The following MTRF1 variants were observed in gnomAD, a reference collection of about 807,000 sequenced individuals.
The protein encoded by MTRF1 is mitochondrial translation release factor 1.
MTRF1 carries 51 observed loss-of-function variants against 62.9 expected under a neutral mutation model. The observed-to-expected ratio is 0.81, with a 90% CI of 0.65 to 1.02. MTRF1 has a LOEUF of 1.02. MTRF1 is among the 50% of genes least tolerant of loss of function. MTRF1 has a pLI of 0.00. For synonymous variants in MTRF1, 158 were observed against 181.9 expected, an observed-to-expected ratio of 0.87 and a Z score of 1.06; for missense variants, 446 against 530.0, an observed-to-expected ratio of 0.84 and a Z score of 1.56.
Position 41,224,635 on chromosome 13 carries a change from C to T in MTRF1, c.1126-1281G>A, listed in dbSNP as rs928259472. ...CCAGGACCTCACTCCAGATCAGTTACATCAGAATCTCTGGGGTGGGGCCTG... is the reference window on the plus strand; with the variant it reads ...CCAGGACCTCACTCCAGATCAGTTATATCAGAATCTCTGGGGTGGGGCCTG... On this transcript the variant is annotated intron_variant, in intron 8 of 9. Coordinates refer to ENST00000379480, the MANE Select transcript of MTRF1 (RefSeq NM_004294.4). Among the ~76,000 whole-genome samples, 22 of 152,172 alleles carry T rather than the reference C, an allele frequency of 1.4e-4. 1 individual carries two copies. The highest frequency in any genetic ancestry group is 1.2e-3 in the Admixed American group (18 of 15,280).
At chr13:41,245,264 G>A (rs1451049937) in intron 5 of MTRF1, among the ~76,000 whole-genome samples, 2 of 146,118 alleles carry the variant, frequency 1.4e-5, no homozygotes, top group Non-Finnish European at 1.5e-5. Context: ...TTTTTTTGAA[G>A]ACATGGTCTC....
At chr13:41,265,664 C>T (rs1396028411), upstream of MTRF1, among the ~76,000 whole-genome samples, 2 of 106,528 alleles carry the variant, frequency 1.9e-5, no homozygotes, top group Non-Finnish European at 4.4e-5. Flanking sequence ...TGCTCACTGT[C>T]CCTGCCCAAA....
rs184422653 is a variant in MTRF1, at chr13:41,260,531, G to A, written c.377C>T (p.Thr126Ile). Residue 126 changes from threonine to isoleucine, a missense_variant, in exon 2 of 10, where the codon ACT (threonine) becomes ATT (isoleucine). Coordinates refer to ENST00000379480, the MANE Select transcript of MTRF1 (RefSeq NM_004294.4). ...LAAIYQEIQE[T>I]EQAIEELESM... ...TTCTAATTCTTCAATTGCTTGTTCA[G>A]TCTCCTGAATTTCTTGGTAAATGGC... 9 of 1,613,646 alleles carry A rather than the reference G, an allele frequency of 5.6e-6. No individual in the cohort carries two copies. In the African/African-American group the frequency reaches 1.1e-4, roughly 19 times the overall value.
At chr13:41,306,056 C>A in the MTRF1 span, among the ~76,000 whole-genome samples, 3 of 151,642 alleles carry the variant, frequency 2.0e-5, no homozygotes, top group African/African-American at 7.3e-5. Context: ...ATGAAGAACT[C>A]AAAGGGAGGA....
At chr13:41,263,258 T>C (rs1308186206) in intron 1 of MTRF1, 1 of 1,288,490 alleles carries the variant, frequency 7.8e-7, no homozygotes, top group Non-Finnish European at 1.0e-6. Flanking sequence ...ATGTTTACTC[T>C]CCAAGGTTAA....
chr13:41,241,976 A>G (rs2037565000), intron 5 of MTRF1, among the ~76,000 whole-genome samples: 1 of 152,226 alleles, frequency 6.6e-6, no homozygotes, highest in African/African-American at 2.4e-5. Flanking sequence ...GTCTAATTCT[A>G]TCATTCCTTT....
the MTRF1 span, among the ~76,000 whole-genome samples, chr13:41,292,546 A>ACT: frequency 1.4e-5 from 2 of 144,752 alleles, no homozygotes; most frequent in African/African-American, 2.7e-5. Context: ...ACGCCACTGC[A>ACT]CTCCAGCCTG....
rs1434046366 is a variant in MTRF1, at chr13:41,226,504, C to A, written c.1053G>T (p.Val351=). Residue 351 remains valine (V), a synonymous_variant, in exon 8 of 10, where the codon GTG becomes GTT. Coordinates refer to ENST00000379480, the MANE Select transcript of MTRF1 (RefSeq NM_004294.4). ...TCTGCTGGTAGAGTCTAGCTCTCAACACACGAAAGGCTATTTCTTTATTTT... is the reference window on the plus strand; with the variant it reads ...TCTGCTGGTAGAGTCTAGCTCTCAAAACACGAAAGGCTATTTCTTTATTTT... The part of the protein sequence containing the change: ...QIKNKEIAFR[V]LRARLYQQII... 1 of 1,613,972 alleles carries A rather than the reference C, an allele frequency of 6.2e-7. No homozygotes were observed. The highest frequency in any genetic ancestry group is 2.2e-5 in the East Asian group (1 of 44,868).
chr13:41,254,428 A>T, intron 3 of MTRF1, 101 bp downstream of exon 3: 1 of 699,552 alleles, frequency 1.4e-6, no homozygotes, highest in Admixed American at 2.9e-5. Flanking sequence ...GAACACTTAA[A>T]ACAGTGTTTG....
the MTRF1 span, among the ~76,000 whole-genome samples, chr13:41,272,211 A>G: frequency 6.6e-6 from 1 of 152,152 alleles, no homozygotes; most frequent in Admixed American, 6.5e-5. Context: ...GAACACCACA[A>G]AAAGTGTCAG....
At chr13:41,250,498 T>A (rs2038930152) in intron 5 of MTRF1, among the ~76,000 whole-genome samples, 7 of 143,210 alleles carry the variant, frequency 4.9e-5, no homozygotes, top group Admixed American at 3.5e-4. Context: ...TTACTCCAAA[T>A]TTTTTTTTTT....
At chr13:41,260,437 G>C in intron 2 of MTRF1, 56 bp downstream of exon 2, 1 of 1,372,618 alleles carries the variant, frequency 7.3e-7, no homozygotes, top group South Asian at 1.4e-5. Context: ...GCATATAAGT[G>C]TGTGGTTTTT....
upstream of MTRF1, among the ~76,000 whole-genome samples, chr13:41,264,737 C>T (rs1183351636): frequency 6.6e-6 from 1 of 152,156 alleles, no homozygotes; most frequent in Non-Finnish European, 1.5e-5. Context: ...AATTAAGGCA[C>T]ACAGAGCTAA....
the MTRF1 span, among the ~76,000 whole-genome samples, chr13:41,291,093 T>C: frequency 1.7e-4 from 1 of 5,836 alleles, no homozygotes; most frequent in Non-Finnish European, 4.0e-4. Flanking sequence ...CAAAACTCCG[T>C]CTCAAAAAAA....
upstream of MTRF1, among the ~76,000 whole-genome samples, chr13:41,265,255 T>G (rs1167043308): frequency 6.6e-6 from 1 of 151,956 alleles, no homozygotes; most frequent in East Asian, 1.9e-4. Context: ...AAACCCCATC[T>G]CTACTAAAAA....
intron 2 of MTRF1, chr13:41,257,823 G>T: frequency 2.3e-6 from 1 of 438,582 alleles, no homozygotes. Context: ...AGGGGGAGGG[G>T]GAATAATCAT....
At chr13:41,251,886 CA>C (rs1180312951) in intron 5 of MTRF1, among the ~76,000 whole-genome samples, 2 of 151,702 alleles carry the variant, frequency 1.3e-5, no homozygotes, top group African/African-American at 4.8e-5. Context: ...TATGTTGTAT[CA>C]TTTTTTTTTT....
chr13:41,271,878 A>G, the MTRF1 span, among the ~76,000 whole-genome samples: 7 of 152,162 alleles, frequency 4.6e-5, no homozygotes, highest in East Asian at 1.9e-4. Flanking sequence ...ATTGAGATCA[A>G]CTTGAGGAGA....
intron 2 of MTRF1, among the ~76,000 whole-genome samples, chr13:41,259,976 T>C (rs917688382): frequency 6.6e-6 from 1 of 152,194 alleles, no homozygotes; most frequent in Admixed American, 6.5e-5. Flanking sequence ...CAGTGTTCAA[T>C]AAAGGTCTGC....
Sources: gnomAD v4.1 joint callset for allele counts (sites outside exome capture counted in the v4.1 genomes callset) on GRCh38, gnomAD v4.1.1 for gene constraint, MANE v1.5 for transcripts, NCBI Gene and HGNC (gene_info 2026-07-23, HGNC 2026-07-21) for gene names.